The following ATE1 variants were observed in gnomAD, a reference collection of about 807,000 sequenced individuals.
The protein encoded by ATE1 is arginyl-tRNA--protein transferase 1.
In ATE1, 36 loss-of-function variants were observed where a neutral mutation model predicts 70.5. The ratio of observed to expected loss-of-function variants is 0.51; its 90% CI spans 0.39 to 0.67. ATE1 has a LOEUF of 0.67. Ranked by LOEUF, ATE1 falls within the 30% of genes least tolerant of loss-of-function variation. The pLI, the probability that ATE1 is intolerant of heterozygous loss-of-function variation, is 0.00. For synonymous variants in ATE1, 232 were observed against 219.3 expected (o/e 1.06, Z -0.51); for missense variants, 593 against 629.5 (o/e 0.94, Z 0.62).
intron 11 of ATE1, among the ~76,000 whole-genome samples, chr10:121,782,862 G>A (rs900297383): frequency 6.6e-6 from 1 of 152,098 alleles, no homozygotes; most frequent in African/African-American, 2.4e-5. Context: ...TCTTCCTCCC[G>A]TACTGGATGC....
At chr10:121,892,278 A>C (rs1375603547) in intron 7 of ATE1, among the ~76,000 whole-genome samples, 1 of 152,042 alleles carries the variant, frequency 6.6e-6, no homozygotes, top group African/African-American at 2.4e-5. Flanking sequence ...CCATCTCCTT[A>C]ATAGAACTAT....
chr10:121,761,197 G>A (rs576599097), intron 11 of ATE1, among the ~76,000 whole-genome samples: 3 of 152,122 alleles, frequency 2.0e-5, no homozygotes, highest in Non-Finnish European at 4.4e-5. Context: ...AGCTGAGCAG[G>A]TGCCAGTGCC....
In ATE1 at chr10:121,777,583, C is replaced by A. The variant is rs552149777; in HGVS notation, c.1378+12586G>T. On this transcript the variant is annotated intron_variant, in intron 11 of 11. Coordinates refer to ENST00000224652, the MANE Select transcript of ATE1 (RefSeq NM_001001976.3). ...GACCAAATAGTGATGCAGGGGGACACCTGGTCATGTACAAATACAAGTGAT... is the reference window on the plus strand; with the variant it reads ...GACCAAATAGTGATGCAGGGGGACAACTGGTCATGTACAAATACAAGTGAT... Among the ~76,000 whole-genome samples, 10 of 152,296 alleles carry A rather than the reference C, an allele frequency of 6.6e-5. No homozygotes were observed. In the South Asian group the frequency reaches 2.1e-3, roughly 32 times the overall value.
intron 11 of ATE1, among the ~76,000 whole-genome samples, chr10:121,768,843 T>C (rs1414235676): frequency 6.6e-6 from 1 of 152,176 alleles, no homozygotes; most frequent in Non-Finnish European, 1.5e-5. Flanking sequence ...AGATTTATTT[T>C]ATTTTGAGTT....
intron 10 of ATE1, among the ~76,000 whole-genome samples, chr10:121,835,279 A>C (rs541646818): frequency 7.9e-5 from 12 of 152,220 alleles, no homozygotes; most frequent in African/African-American, 2.9e-4. Flanking sequence ...GCTTACCTGG[A>C]CTGTCAATGT....
At chr10:121,753,384 T>A (rs1944666123) in intron 11 of ATE1, among the ~76,000 whole-genome samples, 1 of 152,230 alleles carries the variant, frequency 6.6e-6, no homozygotes, top group African/African-American at 2.4e-5. Flanking sequence ...ACTCATGATA[T>A]GTTGATTAAA....
intron 11 of ATE1, among the ~76,000 whole-genome samples, chr10:121,755,537 G>A (rs944187137): frequency 3.3e-5 from 5 of 152,170 alleles, no homozygotes; most frequent in South Asian, 2.1e-4. Flanking sequence ...GTATTAGTCC[G>A]TTTTTACACT....
At chr10:121,817,474 G>C (rs2133547665) in intron 10 of ATE1, among the ~76,000 whole-genome samples, 1 of 151,658 alleles carries the variant, frequency 6.6e-6, no homozygotes, top group South Asian at 2.1e-4. Context: ...GGTAGGCGGA[G>C]CTTGCAGTGA....
chr10:121,920,172 A>G (rs1951822106), intron 3 of ATE1, among the ~76,000 whole-genome samples: 1 of 152,044 alleles, frequency 6.6e-6, no homozygotes, highest in African/African-American at 2.4e-5. Flanking sequence ...ATGTTAACGC[A>G]CTTTTCACAT....
intron 11 of ATE1, among the ~76,000 whole-genome samples, chr10:121,782,851 A>G (rs540190210): frequency 6.6e-6 from 1 of 152,254 alleles, no homozygotes; most frequent in South Asian, 2.1e-4. Context: ...CCCATTCTAC[A>G]TCTTCCTCCC....
chr10:121,872,592 G>A (rs1949900373), intron 7 of ATE1, among the ~76,000 whole-genome samples: 1 of 151,678 alleles, frequency 6.6e-6, no homozygotes, highest in Non-Finnish European at 1.5e-5. Context: ...CAGTAGAAAT[G>A]GTAATACTTT....
chr10:121,767,331 A>G (rs901490417), intron 11 of ATE1, among the ~76,000 whole-genome samples: 1 of 152,234 alleles, frequency 6.6e-6, no homozygotes, highest in Non-Finnish European at 1.5e-5. Flanking sequence ...AAGATCAGAA[A>G]AAAAGTAAGG....
chr10:121,905,818 C>T (rs1410310918), intron 5 of ATE1, among the ~76,000 whole-genome samples: 1 of 151,132 alleles, frequency 6.6e-6, no homozygotes, highest in Non-Finnish European at 1.5e-5. Flanking sequence ...GCACTCCAGG[C>T]CTAAGCAACA....
intron 11 of ATE1, among the ~76,000 whole-genome samples, chr10:121,764,653 A>T (rs1190009927): frequency 4.6e-5 from 7 of 152,354 alleles, no homozygotes; most frequent in Admixed American, 1.3e-4. Flanking sequence ...TAAAAAATTT[A>T]AAATCGGTTA....
In ATE1 at chr10:121,927,570, A is replaced by T. The variant is rs1157935441; in HGVS notation, c.106+274T>A. On this transcript the variant is annotated intron_variant, in intron 1 of 11. Transcript: ENST00000224652. ...GGCACTGCGCGCCGTCCTTCACCTCACACAATCTACCCCAGACGGGCGTCC... is the reference window on the plus strand; with the variant it reads ...GGCACTGCGCGCCGTCCTTCACCTCTCACAATCTACCCCAGACGGGCGTCC... 4 of 980,362 alleles carry T rather than the reference A, an allele frequency of 4.1e-6. No homozygotes were observed. The East Asian group carries it at 3.4e-4, about 84-fold the overall frequency. The allele number at this position is 980,362 out of a possible 1,614,324, so 60.7% of individuals were successfully genotyped here.
rs760833429 is a variant in ATE1, at chr10:121,836,830, AAAG to A, written c.1158-16_1158-14del. 10 of 1,548,218 alleles carry A rather than the reference AAAG, an allele frequency of 6.5e-6. No individual in the cohort carries two copies. Among genetic ancestry groups the A allele is most frequent in the Admixed American group, 3.6e-5 (2 of 55,272 alleles). On this transcript the variant is annotated splice_polypyrimidine_tract_variant and intron_variant, in intron 9 of 11. Coordinates refer to ENST00000224652, the MANE Select transcript of ATE1 (RefSeq NM_001001976.3). ...AAAAGCAATTTCTCTGCGAAAAGAA[AAAG>A]AAGAAAGCTGAAGGCAGTTAATTCT... is the stretch of plus-strand genomic sequence containing the variant.
intron 6 of ATE1, among the ~76,000 whole-genome samples, chr10:121,902,037 G>A (rs1951000899): frequency 6.6e-6 from 1 of 152,052 alleles, no homozygotes; most frequent in Admixed American, 6.6e-5. Flanking sequence ...GTAATCTATT[G>A]TCTTTCACTA....
chr10:121,870,998 T>G (rs900820609), intron 7 of ATE1, among the ~76,000 whole-genome samples: 2 of 152,166 alleles, frequency 1.3e-5, no homozygotes, highest in African/African-American at 4.8e-5. Flanking sequence ...ACTCATGAAC[T>G]TCCTCCCCAC....
At chr10:121,924,396 G>A in intron 1 of ATE1, 67 bp from the exon 2 acceptor site, 1 of 1,487,032 alleles carries the variant, frequency 6.7e-7, no homozygotes, top group South Asian at 1.1e-5. Flanking sequence ...TTCAAAGTGT[G>A]AGGTTTAAAA....
Sources: gnomAD v4.1 joint callset for allele counts (sites outside exome capture counted in the v4.1 genomes callset) on GRCh38, gnomAD v4.1.1 for gene constraint, MANE v1.5 for transcripts, NCBI Gene and HGNC (gene_info 2026-07-23, HGNC 2026-07-21) for gene names.